SCYL2: variants seen among roughly 807,000 people sequenced by gnomAD.
The protein encoded by SCYL2 is SCY1 like pseudokinase 2, also known as SCY1-like protein 2.
A neutral mutation model predicts 100.4 loss-of-function variants in SCYL2; 36 were observed. The ratio of observed to expected loss-of-function variants is 0.36; its 90% CI spans 0.27 to 0.47. The LOEUF is 0.47. Ranked by LOEUF, SCYL2 falls within the 20% of genes least tolerant of loss-of-function variation. The pLI, the probability that SCYL2 is intolerant of heterozygous loss-of-function variation, is 1.00. For synonymous variants in SCYL2, 330 were observed against 359.2 expected (o/e 0.92, Z 0.92); for missense variants, 902 against 1,083.9 (o/e 0.83, Z 2.36).
intron 3 of SCYL2, among the ~76,000 whole-genome samples, chr12:100,294,128 CCCGGACGGGGCGG>C (rs2096314074): frequency 2.1e-5 from 3 of 144,754 alleles, no homozygotes; most frequent in African/African-American, 7.8e-5. Flanking sequence ...CCCCTCACCT[CCCGGACGGGGCGG>C]CTGGCCGGGC....
chr12:100,334,186 C>A lies in SCYL2; in HGVS notation c.1782C>A (p.Val594=). Residue 594 remains valine (V), a synonymous_variant, in exon 14 of 18, where the codon GTC becomes GTA. Coordinates refer to ENST00000360820, the MANE Select transcript of SCYL2 (RefSeq NM_017988.6). ...ACCAGTTCAATTCTTTCATTTCCGT[C>A]ATAAAAGAAATGCTTAATAGATTGG... The part of the protein sequence containing the change: ...NLNQFNSFIS[V]IKEMLNRLES... The A allele has an allele frequency of 1.3e-6, 2 of 1,597,864 alleles. No homozygotes were observed. The highest frequency in any genetic ancestry group is 2.2e-5 in the South Asian group (2 of 90,714).
At position 100,337,394 on chromosome 12, in the gene SCYL2, T is replaced by C; in HGVS notation, c.2033T>C (p.Leu678Pro). 6.2e-7 allele frequency: 1 copy of C among 1,603,238 alleles called. No individual in the cohort carries two copies. Among genetic ancestry groups the C allele is most frequent in the Non-Finnish European group, 8.5e-7 (1 of 1,177,422 alleles). ...GLQNKHKRASLTLEEKQKLAK... is the reference protein window; with the variant it reads ...GLQNKHKRASPTLEEKQKLAK... ...GCTTTATTTTGTTTTAAGGCATCAC[T>C]TACACTTGAAGAAAAACAAAAATTA... Residue 678 changes from leucine (L) to proline (P), a missense_variant, in exon 17 of 18, where the codon CTT (leucine) becomes CCT (proline). By Grantham distance (98) the Leu-to-Pro change is moderately conservative. Transcript: ENST00000360820.
chr12:100,335,947 C>A, intron 16 of SCYL2, 41 bp downstream of exon 16: 1 of 1,437,980 alleles, frequency 7.0e-7, no homozygotes, highest in Non-Finnish European at 9.8e-7. Flanking sequence ...TTATTTTATG[C>A]TGTAGGACTT....
chr12:100,294,469 GC>G (rs2096315461), intron 3 of SCYL2, among the ~76,000 whole-genome samples: 1 of 101,820 alleles, frequency 9.8e-6, no homozygotes, highest in Non-Finnish European at 2.0e-5. Flanking sequence ...GGGCAGAGGC[GC>G]CCCTCACCTC....
intron 4 of SCYL2, among the ~76,000 whole-genome samples, chr12:100,305,723 T>TTC (rs1352913690): frequency 6.7e-6 from 1 of 150,170 alleles, no homozygotes; most frequent in East Asian, 1.9e-4. Context: ...CTGGTTTTTT[T>TTC]TTTTTTTTTT....
chr12:100,339,697 A>G lies in SCYL2; in HGVS notation c.*525A>G, dbSNP rs1952329224. The G allele has an allele frequency of 6.5e-6, 1 of 153,654 alleles. No homozygotes were observed. Among genetic ancestry groups the G allele is most frequent in the Non-Finnish European group, 1.5e-5 (1 of 68,934 alleles). 9.5% of individuals were successfully genotyped at this position (153,654 alleles called of 1,614,324 possible). A position where few individuals can be genotyped will look rare whatever the true frequency, so the allele number is the denominator to read the frequency against. ...AAGTATCAGGTTATTTGCTTTTTCC[A>G]AACTTTTCAGATGAACTATTGTTTA... On this transcript the variant is annotated 3_prime_UTR_variant, in exon 18 of 18. Coordinates refer to ENST00000360820, the MANE Select transcript of SCYL2 (RefSeq NM_017988.6).
In SCYL2 at chr12:100,335,851, T is replaced by C. The variant is rs201591404; in HGVS notation, c.1970T>C (p.Leu657Pro). The C allele has an allele frequency of 6.2e-7, 1 of 1,613,502 alleles. No individual in the cohort carries two copies. Among genetic ancestry groups the C allele is most frequent in the South Asian group, 1.1e-5 (1 of 91,046 alleles). The change falls in exon 16 of 18, where the codon CTG becomes CCG. Residue 657 changes from leucine (L) to proline (P), a missense_variant. Transcript: ENST00000360820. ...KVFNNIGADL[L>P]TGSESENKED... ...TTTAACAACATTGGAGCAGACCTTC[T>C]GACTGGCAGTGAGTCCGAAAATAAA...
chr12:100,271,686 G>C (rs1017775589), intron 1 of SCYL2, among the ~76,000 whole-genome samples: 3 of 152,184 alleles, frequency 2.0e-5, no homozygotes, highest in South Asian at 2.1e-4. Context: ...TTCATTGCCA[G>C]ATGTAATTAC....
chr12:100,341,128 G>A lies in SCYL2; in HGVS notation c.*1956G>A, dbSNP rs936857291. The A allele has an allele frequency of 1.3e-5, 2 of 152,004 alleles. No individual in the cohort carries two copies. The highest frequency in any genetic ancestry group is 2.1e-4 in the South Asian group (1 of 4,816). 9.4% of individuals were successfully genotyped at this position (152,004 alleles called of 1,614,324 possible). A position where few individuals can be genotyped will look rare whatever the true frequency, so the allele number is the denominator to read the frequency against. ...TACAGTATGTAAAATTTGTTCATTC[G>A]TTGAGGTAATGGTGCTATGTTTTTA... On this transcript the variant is annotated 3_prime_UTR_variant, in exon 18 of 18. Transcript: ENST00000360820.
chr12:100,338,707 C>T lies in SCYL2; in HGVS notation c.2325C>T (p.Ala775=). 2 of 1,614,038 alleles carry T rather than the reference C, an allele frequency of 1.2e-6. No individual in the cohort carries two copies. The highest frequency in any genetic ancestry group is 1.7e-6 in the Non-Finnish European group (2 of 1,179,966). Residue 775 remains alanine (A), a synonymous_variant, in exon 18 of 18, where the codon GCC becomes GCT. Transcript: ENST00000360820. ...GAAATTTGACAAATGGCCTAAATGC[C>T]AATATGGGCTTTCAGACTTCAGGAT... ...TKRNLTNGLN[A]NMGFQTSGFN... is the part of the protein sequence containing the mutation.
At chr12:100,277,065 TATTG>T (rs1253386839) in intron 1 of SCYL2, among the ~76,000 whole-genome samples, 1 of 152,224 alleles carries the variant, frequency 6.6e-6, no homozygotes, top group Non-Finnish European at 1.5e-5. Context: ...TTTAATCTAT[TATTG>T]ATTTCTAGTT....
intron 10 of SCYL2, chr12:100,319,181 A>C: frequency 2.2e-6 from 1 of 455,482 alleles, no homozygotes; most frequent in Non-Finnish European, 4.4e-6. Context: ...TCGTTTGTTC[A>C]AGGCTGTGAG....
At chr12:100,281,031 T>TG (rs1441151260) in intron 1 of SCYL2, among the ~76,000 whole-genome samples, 7 of 133,740 alleles carry the variant, frequency 5.2e-5, no homozygotes, top group East Asian at 2.2e-4. Flanking sequence ...TTTTTTTTTT[T>TG]TTTTTTTTTT....
In SCYL2 at chr12:100,294,825, G is replaced by T. The variant is rs1195764740; in HGVS notation, c.335+3165G>T. On this transcript the variant is annotated intron_variant, in intron 3 of 17. Transcript: ENST00000360820. ...CCCCCCCACCTCCCTCCCGGACGGG[G>T]TGGCTGCTGGGCGGAGACGCTCCTC... is the stretch of plus-strand genomic sequence containing the variant. Among the ~76,000 whole-genome samples the T allele has an allele frequency of 9.3e-5, 14 of 151,038 alleles. 1 individual carries two copies. Among genetic ancestry groups the T allele is most frequent in the Admixed American group, 7.2e-4 (11 of 15,218 alleles).
At chr12:100,269,311 G>A (rs2096284593) in intron 1 of SCYL2, among the ~76,000 whole-genome samples, 1 of 151,718 alleles carries the variant, frequency 6.6e-6, no homozygotes, top group South Asian at 2.1e-4. Context: ...CCTCTGCTTG[G>A]AAATGCCCTT....
At chr12:100,291,465 A>G (rs2096310530) in intron 2 of SCYL2, 38 bp from the exon 3 acceptor site, 2 of 1,331,890 alleles carry the variant, frequency 1.5e-6, no homozygotes, top group Non-Finnish European at 2.1e-6. Context: ...TTACTTTTCT[A>G]TATTTCTTGA....
chr12:100,298,038 T>C lies in SCYL2; in HGVS notation c.343T>C (p.Leu115=), dbSNP rs2096322993. The C allele has an allele frequency of 1.9e-6, 3 of 1,606,084 alleles. No individual in the cohort carries two copies. The highest frequency in any genetic ancestry group is 1.7e-5 in the Admixed American group (1 of 57,954). ...TTTTCTTTTTTAAAACAGGGATTGC[T>C]TGGCATTTTGTACAGAACCAGTTTT... ...QHPLEESRDC[L]AFCTEPVFAS... Residue 115 remains leucine (L), a synonymous_variant, in exon 4 of 18, where the codon TTG becomes CTG. Coordinates refer to ENST00000360820, the MANE Select transcript of SCYL2 (RefSeq NM_017988.6).
chr12:100,279,511 G>A (rs1592928719), intron 1 of SCYL2, among the ~76,000 whole-genome samples: 1 of 152,224 alleles, frequency 6.6e-6, no homozygotes, highest in East Asian at 1.9e-4. Flanking sequence ...TGAATATTGT[G>A]AATGTTACAT....
At chr12:100,322,782 C>T (rs2096357541) in intron 10 of SCYL2, among the ~76,000 whole-genome samples, 1 of 151,622 alleles carries the variant, frequency 6.6e-6, no homozygotes, top group Admixed American at 6.6e-5. Context: ...ATTGCTTGAA[C>T]CCGGGAGGCG....
Sources: allele counts gnomAD v4.1 joint callset (sites outside exome capture counted in the v4.1 genomes callset), GRCh38; gene constraint gnomAD v4.1.1; transcripts MANE v1.5; gene names NCBI Gene and HGNC (gene_info 2026-07-23, HGNC 2026-07-21).